Variants in LOC128462377 observed in about 807,000 individuals in gnomAD.
chr16:89,327,847 G>T, the LOC128462377 span, among the ~76,000 whole-genome samples: 1 of 152,246 alleles, frequency 6.6e-6, no homozygotes, highest in Non-Finnish European at 1.5e-5. Flanking sequence ...GTCAGACATG[G>T]CAACAAAAGC....
chr16:89,393,490 CT>C, the LOC128462377 span, among the ~76,000 whole-genome samples: 58,340 of 116,830 alleles, frequency 0.5, 12,367 homozygotes, highest in Middle Eastern at 0.61. Context: ...TATCCAGCTG[CT>C]TTTTTTTTTT....
chr16:89,322,459 GAT>G, the LOC128462377 span, among the ~76,000 whole-genome samples: 7 of 152,234 alleles, frequency 4.6e-5, no homozygotes, highest in Non-Finnish European at 8.8e-5. Context: ...CCTGAGAAGG[GAT>G]GTGATTCAGC....
At chr16:89,363,743 C>T in the LOC128462377 span, among the ~76,000 whole-genome samples, 2 of 152,174 alleles carry the variant, frequency 1.3e-5, no homozygotes, top group African/African-American at 4.8e-5. Flanking sequence ...AGAACACGGG[C>T]CTGCAGGTTC....
chr16:89,365,515 C>T, the LOC128462377 span, among the ~76,000 whole-genome samples: 1 of 152,184 alleles, frequency 6.6e-6, no homozygotes, highest in Non-Finnish European at 1.5e-5. Context: ...GACACTCTGC[C>T]CAAGAAATGG....
chr16:89,397,121 G>C, the LOC128462377 span, among the ~76,000 whole-genome samples: 1 of 152,012 alleles, frequency 6.6e-6, no homozygotes, highest in African/African-American at 2.4e-5. Context: ...AATCCTTCAG[G>C]TTTCAACTGG....
At chr16:89,410,109 G>A in the LOC128462377 span, among the ~76,000 whole-genome samples, 1 of 152,174 alleles carries the variant, frequency 6.6e-6, no homozygotes, top group Non-Finnish European at 1.5e-5. Context: ...AAAGTGCTGG[G>A]ATTACAGGCG....
chr16:89,317,514 T>C, the LOC128462377 span, among the ~76,000 whole-genome samples: 6 of 152,126 alleles, frequency 3.9e-5, no homozygotes, highest in East Asian at 7.7e-4. Context: ...TGGCAGGTCA[T>C]GTCCACAGCC....
chr16:89,405,075 G>A, the LOC128462377 span, among the ~76,000 whole-genome samples: 7 of 151,792 alleles, frequency 4.6e-5, no homozygotes, highest in African/African-American at 1.7e-4. Flanking sequence ...CCCGTCACAC[G>A]CTCTCACAGG....
chr16:89,375,340 G>A, the LOC128462377 span, among the ~76,000 whole-genome samples: 5 of 152,238 alleles, frequency 3.3e-5, no homozygotes, highest in African/African-American at 1.2e-4. Context: ...TGGAGTCCCA[G>A]CTACTCAGAA....
chr16:89,332,194 C>T, the LOC128462377 span, among the ~76,000 whole-genome samples: 3 of 152,104 alleles, frequency 2.0e-5, no homozygotes, highest in Non-Finnish European at 4.4e-5. Flanking sequence ...ACAGAAATGA[C>T]TTCCTTACGT....
chr16:89,389,751 G>T, the LOC128462377 span, among the ~76,000 whole-genome samples: 3 of 150,212 alleles, frequency 2.0e-5, no homozygotes, highest in African/African-American at 4.9e-5. Context: ...GAGTGTGGCG[G>T]GGAGCACCGA....
chr16:89,407,655 T>G, the LOC128462377 span, among the ~76,000 whole-genome samples: 1 of 151,924 alleles, frequency 6.6e-6, no homozygotes, highest in African/African-American at 2.4e-5. Context: ...ACGCCGTCTC[T>G]ATCAAACACA....
chr16:89,391,628 CACAG>C, the LOC128462377 span, among the ~76,000 whole-genome samples: 1 of 152,186 alleles, frequency 6.6e-6, no homozygotes, highest in African/African-American at 2.4e-5. Context: ...AGTCAAGCTA[CACAG>C]ACAGATACAC....
the LOC128462377 span, among the ~76,000 whole-genome samples, chr16:89,342,126 G>A: frequency 6.6e-5 from 10 of 152,138 alleles, no homozygotes; most frequent in Non-Finnish European, 1.0e-4. Context: ...ATGGGCACTT[G>A]GTCCCTTCTC....
chr16:89,354,795 A>T, the LOC128462377 span, among the ~76,000 whole-genome samples: 1 of 152,160 alleles, frequency 6.6e-6, no homozygotes, highest in Non-Finnish European at 1.5e-5. Context: ...CTGAGGCAGG[A>T]GAAATCGCTT....
the LOC128462377 span, among the ~76,000 whole-genome samples, chr16:89,396,526 T>C: frequency 6.6e-6 from 1 of 152,076 alleles, no homozygotes; most frequent in East Asian, 1.9e-4. Context: ...TATGCTTCCA[T>C]TTTCCCACTA....
the LOC128462377 span, among the ~76,000 whole-genome samples, chr16:89,334,008 A>C: frequency 6.6e-6 from 1 of 151,972 alleles, no homozygotes; most frequent in Non-Finnish European, 1.5e-5. Flanking sequence ...TAAGTTTCTC[A>C]ATCTATAAAA....
the LOC128462377 span, among the ~76,000 whole-genome samples, chr16:89,374,274 T>A: frequency 5.8e-4 from 88 of 152,280 alleles, no homozygotes; most frequent in African/African-American, 2.0e-3. Context: ...AGTAATTCTC[T>A]TCACTTAAAA....
At chr16:89,401,329 G>A in the LOC128462377 span, among the ~76,000 whole-genome samples, 6 of 151,984 alleles carry the variant, frequency 3.9e-5, no homozygotes, top group African/African-American at 1.5e-4. Context: ...CACCCACCTT[G>A]GCCTCCCAAA....
Sources: allele counts gnomAD v4.1 joint callset (sites outside exome capture counted in the v4.1 genomes callset), GRCh38; gene constraint gnomAD v4.1.1; transcripts MANE v1.5.